TROAP: variants seen among roughly 807,000 people sequenced by gnomAD.
TROAP encodes the protein tastin.
A neutral mutation model predicts 83.4 loss-of-function variants in TROAP; 62 were observed. The observed-to-expected ratio is 0.74, with a 90% confidence interval of 0.61 to 0.92. The LOEUF (loss-of-function observed/expected upper bound fraction) is 0.92. TROAP is among the 40% of genes least tolerant of loss of function. TROAP has a pLI of 0.00. For missense variants in TROAP, 876 were observed against 985.1 expected, an observed-to-expected ratio of 0.89 and a Z score of 1.48; for synonymous variants, 352 against 386.4, an observed-to-expected ratio of 0.91 and a Z score of 1.04.
intron 8 of TROAP, among the ~76,000 whole-genome samples, chr12:49,328,679 A>G (rs1313923261): frequency 1.3e-5 from 2 of 151,988 alleles, no homozygotes; most frequent in African/African-American, 2.4e-5. Context: ...CCTGGCTAAC[A>G]TGGTGAAACC....
chr12:49,323,431 G>A, intron 1 of TROAP, 82 bp downstream of exon 1: 2 of 817,394 alleles, frequency 2.4e-6, no homozygotes, highest in Non-Finnish European at 3.8e-6. Flanking sequence ...GGGCGAAAGA[G>A]TAGGCTCGGG....
At chr12:49,327,381 G>A (rs1485792774) in intron 8 of TROAP, 51 bp downstream of exon 8, 1 of 1,594,922 alleles carries the variant, frequency 6.3e-7, no homozygotes, top group Admixed American at 1.7e-5. Context: ...GGAGTTGCTT[G>A]GAAGAATTTT....
rs372994101 is a variant in TROAP, at chr12:49,323,770, G to A, written c.144+18G>A. ...ATCCAAGGGTAAGAGGGGCCTAATG[G>A]GGGAAGACAGTAGTCACACCAGTAA... On this transcript the variant is annotated intron_variant, in intron 2 of 14. Transcript: ENST00000257909. 470 of 1,613,932 alleles carry A rather than the reference G, an allele frequency of 2.9e-4. No homozygotes were observed. The highest frequency in any genetic ancestry group is 3.7e-4 in the Non-Finnish European group (440 of 1,180,014).
chr12:49,329,206 C>T lies in TROAP; in HGVS notation c.1066C>T (p.Arg356Trp), dbSNP rs576666070. The T allele has an allele frequency of 1.3e-5, 21 of 1,614,202 alleles. No homozygotes were observed. The highest frequency in any genetic ancestry group is 8.0e-5 in the African/African-American group (6 of 75,042). ...LRRLTVQPKT[R>W]FTPMPSTPRV... The stretch of plus-strand genomic sequence containing the variant: ...GCGTCTCACCGTTCAACCTAAAACC[C>T]GGTTCACACCCATGCCATCAACCCC... Residue 356 changes from arginine to tryptophan, a missense_variant, in exon 10 of 15, where the codon CGG (arginine) becomes TGG (tryptophan). Arg to Trp is a moderately radical substitution (Grantham distance 101). Transcript: ENST00000257909. This position sits in a 1 kb window ranked among gnomAD's most constrained non-coding sequence, Gnocchi z 4.5.
Position 49,326,102 on chromosome 12 carries a change from C to A in TROAP, c.660C>A (p.His220Gln), listed in dbSNP as rs1943496510. 2 of 1,613,954 alleles carry A rather than the reference C, an allele frequency of 1.2e-6. No homozygotes were observed. The highest frequency in any genetic ancestry group is 1.7e-6 in the Non-Finnish European group (2 of 1,180,036). Residue 220 changes from histidine (H) to glutamine (Q), a missense_variant, in exon 6 of 15, where the codon CAC (histidine) becomes CAA (glutamine). His to Gln is a conservative substitution (Grantham distance 24). Coordinates refer to ENST00000257909, the MANE Select transcript of TROAP (RefSeq NM_005480.4). ...ALISPSGPSF[H>Q]PSTRPSFQEL... ...TTTCACCTTCAGGACCTTCCTTTCA[C>A]CCTTCCACTCGCCCCAGTTTCCAGG...
rs773125991 is a variant in TROAP, at chr12:49,331,308, C to T, written c.2193C>T (p.Asp731=). Residue 731 remains aspartate, a synonymous_variant, in exon 14 of 15, where the codon GAC becomes GAT. Transcript: ENST00000257909. ...ACTGCTTCCACGAGGCTCGTCTGGA[C>T]GATGAGTGTGCCTTTTACACCAGCC... The part of the protein sequence containing the change: ...AIHCFHEARL[D]DECAFYTSRA... 74 of 1,614,094 alleles carry T rather than the reference C, an allele frequency of 4.6e-5. No individual in the cohort carries two copies. In the South Asian group the frequency reaches 4.6e-4, roughly 10 times the overall value.
In TROAP at chr12:49,323,357, A is replaced by T; in HGVS notation, c.-6+8A>T. 1 of 493,862 alleles carries T rather than the reference A, an allele frequency of 2.0e-6. No individual in the cohort carries two copies. The highest frequency in any genetic ancestry group is 3.0e-5 in the South Asian group (1 of 33,872). The allele number at this position is 493,862 out of a possible 1,614,324, so 30.6% of individuals were successfully genotyped here. ...CTGAGGGGCCTCGGTAAGGTAAGGCACGGGGGTCTTGAAGGGAACGAAGGC... is the reference window on the plus strand; with the variant it reads ...CTGAGGGGCCTCGGTAAGGTAAGGCTCGGGGGTCTTGAAGGGAACGAAGGC... On this transcript the variant is annotated splice_region_variant and intron_variant, in intron 1 of 14. Transcript: ENST00000257909.
rs1044858570 is a variant in TROAP, at chr12:49,323,883, C to A, written c.183C>A (p.Pro61=). ...VQKPPLNIQR[P]LVDSAGPRPK... The stretch of plus-strand genomic sequence containing the variant: ...AACCACCGCTCAATATTCAACGCCC[C>A]CTCGTTGATTCAGCAGGCCCCAGGC... The change falls in exon 3 of 15, where the codon CCC becomes CCA. Residue 61 remains proline (P), a synonymous_variant. Coordinates refer to ENST00000257909, the MANE Select transcript of TROAP (RefSeq NM_005480.4). 2.5e-6 allele frequency: 4 copies of A among 1,613,924 alleles called. No homozygotes were observed. In the African/African-American group the frequency reaches 5.3e-5, roughly 22 times the overall value.
chr12:49,329,400 G>A lies in TROAP; in HGVS notation c.1110G>A (p.Gln370=), dbSNP rs150042997. The A allele has an allele frequency of 5.6e-6, 9 of 1,612,934 alleles. No individual in the cohort carries two copies. The East Asian group carries it at 1.1e-4, about 20-fold the overall frequency. The stretch of plus-strand genomic sequence containing the variant: ...ACATCTCACTTCTGTGCCAGGCCCA[G>A]TGGCTGCGTGGTGTCTCCCCTCAGT... ...MPSTPRVQQA[Q]WLRGVSPQSC... is the part of the protein sequence containing the mutation. The change falls in exon 11 of 15, where the codon CAG becomes CAA. Residue 370 remains glutamine, a synonymous_variant. Coordinates refer to ENST00000257909, the MANE Select transcript of TROAP (RefSeq NM_005480.4). The surrounding 1 kb of genome is among the most constrained non-coding windows in gnomAD (Gnocchi z 4.5).
At chr12:49,327,359 G>A (rs1229474758) in intron 8 of TROAP, 29 bp downstream of exon 8, 24 of 1,609,178 alleles carry the variant, frequency 1.5e-5, no homozygotes, top group South Asian at 2.2e-5. Flanking sequence ...GGGATGGTGG[G>A]TGGGAGGTGC....
Position 49,329,534 on chromosome 12 carries a change from G to A in TROAP, c.1164+80G>A, listed in dbSNP as rs941387893. On this transcript the variant is annotated intron_variant, in intron 11 of 14. Transcript: ENST00000257909. The surrounding 1 kb of genome is among the most constrained non-coding windows in gnomAD (Gnocchi z 4.5). ...GGAGGCCCAGGAGTTTGAGGCACAC[G>A]TGCTTTCTGGGCCAGGCATGGTGGC... 5.4e-6 allele frequency: 8 copies of A among 1,483,426 alleles called. No individual in the cohort carries two copies. The highest frequency in any genetic ancestry group is 2.8e-5 in the African/African-American group (2 of 71,264). The allele number at this position is 1,483,426 out of a possible 1,614,324, so 91.9% of individuals were successfully genotyped here. A position where few individuals can be genotyped will look rare whatever the true frequency, so the allele number is the denominator to read the frequency against.
In TROAP at chr12:49,329,763, G is replaced by T. The variant is rs1943550494; in HGVS notation, c.1165-94G>T. ...TGTACATCTAGGGCCTCTCAGTTAG[G>T]GGCTTCAATCCATTCCTCATGAGGG... On this transcript the variant is annotated intron_variant, in intron 11 of 14. Coordinates refer to ENST00000257909, the MANE Select transcript of TROAP (RefSeq NM_005480.4). The surrounding 1 kb of genome is among the most constrained non-coding windows in gnomAD (Gnocchi z 4.5). 1 of 1,526,154 alleles carries T rather than the reference G, an allele frequency of 6.6e-7. No homozygotes were observed. Among genetic ancestry groups the T allele is most frequent in the South Asian group, 1.3e-5 (1 of 77,656 alleles). 94.5% of individuals were successfully genotyped at this position (1,526,154 alleles called of 1,614,324 possible).
rs377746735 is a variant in TROAP at position 49,330,371 on chromosome 12, G to A, written c.1526G>A (p.Cys509Tyr). Residue 509 changes from cysteine (C) to tyrosine (Y), a missense_variant, in exon 13 of 15, where the codon TGC becomes TAC. This residue lies in a region of TROAP where 689 missense variants were observed against 722.6 expected (regional missense o/e 0.95). Coordinates refer to ENST00000257909, the MANE Select transcript of TROAP (RefSeq NM_005480.4). ...GLPKPCLPEE[C>Y]GEPQPCPPAE... is the part of the protein sequence containing the mutation. ...CCAAAGCCCTGTCTTCCAGAGGAGTGCGGGGAACCACAGCCCTGCCCTCCG... is the reference window on the plus strand; with the variant it reads ...CCAAAGCCCTGTCTTCCAGAGGAGTACGGGGAACCACAGCCCTGCCCTCCG... The A allele has an allele frequency of 7.4e-6, 12 of 1,614,042 alleles. No individual in the cohort carries two copies. In the African/African-American group the frequency reaches 8.0e-5, roughly 11 times the overall value.
intron 8 of TROAP, among the ~76,000 whole-genome samples, chr12:49,328,518 C>T (rs1005999570): frequency 6.6e-6 from 1 of 151,976 alleles, no homozygotes; most frequent in Non-Finnish European, 1.5e-5. Context: ...CCACCATGCC[C>T]GGCTTGACTT....
intron 3 of TROAP, among the ~76,000 whole-genome samples, chr12:49,325,057 C>A (rs112827828): frequency 0.036 from 5,521 of 151,622 alleles, 268 homozygotes; most frequent in African/African-American, 0.11. Flanking sequence ...ACTACAGGCG[C>A]GCGCCACCAG....
At chr12:49,323,483 CG>C in intron 1 of TROAP, 120 bp from the exon 2 acceptor site, 5 of 1,389,158 alleles carry the variant, frequency 3.6e-6, no homozygotes, top group Non-Finnish European at 3.9e-6. Flanking sequence ...TTGCAGGCGC[CG>C]GGGGCTTGTG....
intron 1 of TROAP, 86 bp downstream of exon 1, chr12:49,323,435 G>T: frequency 1.2e-6 from 1 of 841,870 alleles, no homozygotes; most frequent in Non-Finnish European, 1.8e-6. Flanking sequence ...GAAAGAGTAG[G>T]CTCGGGGTGT....
rs760779772 is a variant in TROAP at position 49,331,349 on chromosome 12, G to T, written c.2234G>T (p.Gly745Val). 43 of 1,614,010 alleles carry T rather than the reference G, an allele frequency of 2.7e-5. No homozygotes were observed. The highest frequency in any genetic ancestry group is 3.3e-5 in the Non-Finnish European group (39 of 1,180,024). ...TACACCAGCCGAGCCCCTCCCTCAGGCCCCACCCGGGTCTGCACCAACCCT... is the reference window on the plus strand; with the variant it reads ...TACACCAGCCGAGCCCCTCCCTCAGTCCCCACCCGGGTCTGCACCAACCCT... The part of the protein sequence containing the change: ...AFYTSRAPPS[G>V]PTRVCTNPVA... Residue 745 changes from glycine (G) to valine (V), a missense_variant, in exon 14 of 15, where the codon GGC becomes GTC. Physicochemically the swap from Gly to Val is moderately radical, Grantham distance 109 (BLOSUM62 -3). Transcript: ENST00000257909.
chr12:49,324,798 T>A (rs1943469741), intron 3 of TROAP, among the ~76,000 whole-genome samples: 1 of 151,090 alleles, frequency 6.6e-6, no homozygotes, highest in African/African-American at 2.4e-5. Context: ...TGGCATGATC[T>A]CGGCTCACTG....
Sources: gnomAD v4.1 joint callset for allele counts (sites outside exome capture counted in the v4.1 genomes callset) on GRCh38, gnomAD v4.1.1 for gene constraint, gnomAD v4.1.1 regional missense constraint, Gnocchi (gnomAD v3.1) non-coding constraint, MANE v1.5 for transcripts, NCBI Gene and HGNC (gene_info 2026-07-23, HGNC 2026-07-21) for gene names.